HERC2: variants seen among roughly 807,000 people sequenced by gnomAD.
The protein encoded by HERC2 is HECT and RLD domain containing E3 ubiquitin protein ligase 2, also known as E3 ubiquitin-protein ligase HERC2.
Under a neutral mutation model 537.7 loss-of-function variants are expected in HERC2, and 102 were observed. The observed-to-expected ratio is 0.19, with a 90% CI of 0.16 to 0.22. The LOEUF is 0.22. HERC2 is among the 10% of genes least tolerant of loss of function. HERC2 has a pLI of 1.00. For synonymous variants in HERC2, 2,224 were observed against 2,466.2 expected, an observed-to-expected ratio of 0.90 and a Z score of 2.91; for missense variants, 4,236 against 6,198.2, an observed-to-expected ratio of 0.68 and a Z score of 10.63.
chr15:28,272,828 C>T, intron 8 of HERC2, 66 bp downstream of exon 8: 1 of 1,046,968 alleles, frequency 9.6e-7, no homozygotes, highest in South Asian at 1.3e-5. Context: ...GAAACACACA[C>T]AATGCAACAG....
intron 77 of HERC2, 31 bp downstream of exon 77, chr15:28,141,700 C>T (rs775987457): frequency 2.3e-5 from 37 of 1,610,722 alleles, no homozygotes; most frequent in Middle Eastern, 1.6e-4. Context: ...CACTCACGAT[C>T]GACATTACTG....
chr15:28,229,537 C>A lies in HERC2; in HGVS notation c.5043G>T (p.Lys1681Asn), dbSNP rs1429912729. 1 of 1,613,864 alleles carries A rather than the reference C, an allele frequency of 6.2e-7. No homozygotes were observed. Among genetic ancestry groups the A allele is most frequent in the Non-Finnish European group, 8.5e-7 (1 of 1,179,836 alleles). ...ACTGCACAGATGGAAGTAAGAAATT[C>A]TTGCTCGCCAGTTTTAAAATTGTAT... ...GIDTILKLASKNFLLPSVQYA... is the reference protein window; with the variant it reads ...GIDTILKLASNNFLLPSVQYA... The change falls in exon 33 of 93, where the codon AAG (lysine) becomes AAT (asparagine). Residue 1681 changes from lysine to asparagine, a missense_variant. Lys to Asn is a moderately conservative substitution (Grantham distance 94). Coordinates refer to ENST00000261609, the MANE Select transcript of HERC2 (RefSeq NM_004667.6).
chr15:28,236,539 C>T (rs1191374803), intron 26 of HERC2, among the ~76,000 whole-genome samples: 1 of 152,014 alleles, frequency 6.6e-6, no homozygotes, highest in African/African-American at 2.4e-5. Context: ...GATCCACCCG[C>T]CTCAGCCTCC....
chr15:28,202,077 G>T lies in HERC2; in HGVS notation c.7617+36C>A, dbSNP rs1313385814. 6 of 1,144,574 alleles carry T rather than the reference G, an allele frequency of 5.2e-6. No homozygotes were observed. The East Asian group carries it at 1.5e-4, about 28-fold the overall frequency. The allele number at this position is 1,144,574 out of a possible 1,614,324, so 70.9% of individuals were successfully genotyped here. On this transcript the variant is annotated intron_variant, in intron 47 of 92. Coordinates refer to ENST00000261609, the MANE Select transcript of HERC2 (RefSeq NM_004667.6). ...ACTGTTAGAGCGCTAGACGGACAGCGGCCCAGGTGCGGGCGGTCACATGGG... is the reference window on the plus strand; with the variant it reads ...ACTGTTAGAGCGCTAGACGGACAGCTGCCCAGGTGCGGGCGGTCACATGGG...
chr15:28,266,969 G>A (rs1423612040), intron 12 of HERC2, among the ~76,000 whole-genome samples: 1 of 152,218 alleles, frequency 6.6e-6, no homozygotes, highest in Non-Finnish European at 1.5e-5. Context: ...TGGATGGAAT[G>A]AAGCCAGCAC....
chr15:28,301,398 G>A (rs55998000), intron 2 of HERC2, among the ~76,000 whole-genome samples: 252 of 151,542 alleles, frequency 1.7e-3, no homozygotes, highest in Non-Finnish European at 2.7e-3. Flanking sequence ...CTGGGTGACA[G>A]AGCAAGACTT....
rs769955734 is a variant in HERC2, at chr15:28,113,211, C to T, written c.14092G>A (p.Ala4698Thr). The T allele has an allele frequency of 2.2e-5, 35 of 1,614,022 alleles. No homozygotes were observed. The highest frequency in any genetic ancestry group is 6.7e-5 in the Admixed American group (4 of 60,002). The change falls in exon 92 of 93, where the codon GCA (alanine) becomes ACA (threonine). Residue 4698 changes from alanine (A) to threonine (T), a missense_variant. Ala to Thr is a moderately conservative substitution (Grantham distance 58). Around this residue, in one of 27 missense-constraint regions of HERC2, gnomAD observed 313 missense variants for 462.6 expected, o/e 0.68. Coordinates refer to ENST00000261609, the MANE Select transcript of HERC2 (RefSeq NM_004667.6). This position sits in a 1 kb window ranked among gnomAD's most constrained non-coding sequence, Gnocchi z 7.0. ...VATYKGIEPS[A>T]SLIQWFWEVM... ...TCCCAGAACCACTGGATCAGCGATGCGGAAGGCTCGATGCCTTTATAGGTG... is the reference window on the plus strand; with the variant it reads ...TCCCAGAACCACTGGATCAGCGATGTGGAAGGCTCGATGCCTTTATAGGTG...
rs542947077 is a variant in HERC2 at position 28,277,275 on chromosome 15, G to A, written c.543-2270C>T. ...AATCCACACCTGAAAAAATTGCAAA[G>A]AAATACACACACAATTGAGAGCATG... On this transcript the variant is annotated intron_variant, in intron 5 of 92. Coordinates refer to ENST00000261609, the MANE Select transcript of HERC2 (RefSeq NM_004667.6). Among the ~76,000 whole-genome samples the A allele has an allele frequency of 1.2e-3, 186 of 152,136 alleles. 1 individual carries two copies. Among genetic ancestry groups the A allele is most frequent in the African/African-American group, 4.3e-3 (178 of 41,516 alleles).
intron 70 of HERC2, among the ~76,000 whole-genome samples, chr15:28,146,841 TC>T (rs750390152): frequency 7.3e-6 from 1 of 137,524 alleles, no homozygotes; most frequent in Non-Finnish European, 1.5e-5. Context: ...ACAAGAGTTT[TC>T]CTTCAGGCTG....
rs530927467 is a variant in HERC2, at chr15:28,169,830, T to C, written c.10058-175A>G. 3.3e-5 allele frequency among the ~76,000 whole-genome samples: 5 copies of C among 152,268 alleles called. No individual in the cohort carries two copies. The South Asian group carries it at 1.0e-3, about 32-fold the overall frequency. The stretch of plus-strand genomic sequence containing the variant: ...TCAAAATAAGAAAACCACTTATCCA[T>C]ACTTCGATAAAGAAGCTATTTTCAG... On this transcript the variant is annotated intron_variant, in intron 65 of 92. Transcript: ENST00000261609.
At position 28,177,447 on chromosome 15, in the gene HERC2, C is replaced by T. The variant is rs764107405; in HGVS notation, c.9226G>A (p.Asp3076Asn). The T allele has an allele frequency of 2.5e-6, 4 of 1,614,094 alleles. No individual in the cohort carries two copies. The highest frequency in any genetic ancestry group is 1.3e-5 in the African/African-American group (1 of 74,946). ...GKVFSWGEGD[D>N]GKLGHFSRMN... ...CTGCTGAAGTGTCCAAGTTTTCCATCGTCACCTTCGCCCCACGAAAACACT... is the reference window on the plus strand; with the variant it reads ...CTGCTGAAGTGTCCAAGTTTTCCATTGTCACCTTCGCCCCACGAAAACACT... The change falls in exon 60 of 93, where the codon GAT (aspartate) becomes AAT (asparagine). Residue 3076 changes from aspartate (D) to asparagine (N), a missense_variant. Asp to Asn is a conservative substitution (Grantham distance 23). Transcript: ENST00000261609. This position sits in a 1 kb window ranked among gnomAD's most constrained non-coding sequence, Gnocchi z 5.0.
rs185232918 is a variant in HERC2, at chr15:28,275,462, C to T, written c.543-457G>A. 3.9e-3 allele frequency among the ~76,000 whole-genome samples: 596 copies of T among 152,358 alleles called. 4 individuals are homozygous for T. Among genetic ancestry groups the T allele is most frequent in the Middle Eastern group, 0.014 (4 of 294 alleles). The stretch of plus-strand genomic sequence containing the variant: ...TCTGCTCCTGGCCGCGGGTGAAGCC[C>T]TGCGTGCTTGACCCACCCTATGGGG... On this transcript the variant is annotated intron_variant, in intron 5 of 92. Coordinates refer to ENST00000261609, the MANE Select transcript of HERC2 (RefSeq NM_004667.6).
intron 70 of HERC2, among the ~76,000 whole-genome samples, chr15:28,147,339 C>T (rs1361030803): frequency 1.3e-5 from 2 of 152,228 alleles, no homozygotes; most frequent in East Asian, 3.8e-4. Flanking sequence ...TTTAAAAATG[C>T]TTTTCTGGGC....
chr15:28,303,976 G>C (rs896868083), intron 2 of HERC2, among the ~76,000 whole-genome samples: 8 of 151,976 alleles, frequency 5.3e-5, no homozygotes, highest in Non-Finnish European at 1.0e-4. Context: ...GACCAGCCTG[G>C]CCCATGTGGT....
intron 23 of HERC2, among the ~76,000 whole-genome samples, chr15:28,241,451 A>G (rs1352115558): frequency 1.3e-5 from 2 of 152,162 alleles, no homozygotes; most frequent in Non-Finnish European, 2.9e-5. Flanking sequence ...GAAAAACACT[A>G]TGGCAACCCC....
intron 56 of HERC2, among the ~76,000 whole-genome samples, chr15:28,185,378 C>T (rs914619919): frequency 2.0e-5 from 3 of 152,130 alleles, no homozygotes; most frequent in African/African-American, 7.2e-5. Flanking sequence ...TGGAGGGCCC[C>T]GGTCACACTA....
intron 21 of HERC2, among the ~76,000 whole-genome samples, chr15:28,248,150 C>T (rs1401822919): frequency 6.6e-5 from 10 of 152,166 alleles, no homozygotes; most frequent in Admixed American, 6.5e-4. Context: ...TAACTGAAAC[C>T]CAGGCTTTCT....
intron 69 of HERC2, among the ~76,000 whole-genome samples, chr15:28,157,253 C>T (rs757716313): frequency 6.6e-6 from 1 of 152,126 alleles, no homozygotes; most frequent in Non-Finnish European, 1.5e-5. Context: ...ATGGTGCTGG[C>T]CTCATAAAAT....
chr15:28,153,351 CTCAAACAAAAAAAGTCATTGGG>C (rs1892653050), intron 69 of HERC2, among the ~76,000 whole-genome samples: 1 of 151,716 alleles, frequency 6.6e-6, no homozygotes, highest in Non-Finnish European at 1.5e-5. Context: ...GAGACTGCGT[CTCAAACAAAAAAAGTCATTGGG>C]TGGAGCGCAG....
Sources: allele counts gnomAD v4.1 joint callset (sites outside exome capture counted in the v4.1 genomes callset), GRCh38; gene constraint gnomAD v4.1.1; regional missense constraint gnomAD v4.1.1; non-coding constraint Gnocchi (gnomAD v3.1); transcripts MANE v1.5; gene names NCBI Gene and HGNC (gene_info 2026-07-23, HGNC 2026-07-21).